CCDC178: variants seen among roughly 807,000 people sequenced by gnomAD.
The protein encoded by CCDC178 is coiled-coil domain containing 178, also known as coiled-coil domain-containing protein 178.
Under a neutral mutation model 117.4 loss-of-function variants are expected in CCDC178, and 126 were observed. The observed-to-expected ratio is 1.07, with a 90% CI of 0.93 to 1.24. The LOEUF (loss-of-function observed/expected upper bound fraction) is 1.24, where lower values mean the gene tolerates loss of function less well. Ranked by LOEUF, CCDC178 falls within the 50% of genes most tolerant of loss-of-function variation. The pLI is 0.00. For missense variants in CCDC178, 1,030 were observed against 986.9 expected, an observed-to-expected ratio of 1.04 and a Z score of -0.59; for synonymous variants, 283 against 313.4, an observed-to-expected ratio of 0.90 and a Z score of 1.02.
chr18:33,164,891 T>C (rs1478062741), intron 20 of CCDC178, among the ~76,000 whole-genome samples: 1 of 152,208 alleles, frequency 6.6e-6, no homozygotes, highest in African/African-American at 2.4e-5. Context: ...GTCATATCAA[T>C]AAACCTTTTA....
chr18:33,111,427 G>A (rs973292399), intron 20 of CCDC178, among the ~76,000 whole-genome samples: 16 of 151,424 alleles, frequency 1.1e-4, no homozygotes, highest in East Asian at 5.8e-4. Context: ...TTTAAATATC[G>A]CTAAGGCTTT....
At chr18:32,968,043 T>G (rs2054851853) in intron 22 of CCDC178, among the ~76,000 whole-genome samples, 1 of 151,846 alleles carries the variant, frequency 6.6e-6, no homozygotes, top group Admixed American at 6.6e-5. Flanking sequence ...GAAATGTACA[T>G]TATTGTTAAC....
In CCDC178 at chr18:33,389,604, A is replaced by G. The variant is rs376661425; in HGVS notation, c.144T>C (p.Val48=). Residue 48 remains valine, a synonymous_variant, in exon 5 of 23, where the codon GTT becomes GTC. Transcript: ENST00000383096. ...TGTTCTCCTTAGAGGCTCCATATAG[A>G]ACCAAACTTTGAGACATGGCATTGC... ...NEGNAMSQSL[V]LYGASKENSE... is the part of the protein sequence containing the mutation. 9.9e-6 allele frequency: 15 copies of G among 1,515,406 alleles called. No individual in the cohort carries two copies. In the Admixed American group the frequency reaches 1.1e-4, roughly 11 times the overall value. 93.9% of individuals were successfully genotyped at this position (1,515,406 alleles called of 1,614,324 possible).
chr18:33,247,501 CAAAG>C (rs1381470314), intron 14 of CCDC178, among the ~76,000 whole-genome samples: 1 of 151,632 alleles, frequency 6.6e-6, no homozygotes, highest in Non-Finnish European at 1.5e-5. Context: ...TGAGAAGAGA[CAAAG>C]AGAGTTTTGG....
intron 22 of CCDC178, among the ~76,000 whole-genome samples, chr18:32,973,640 G>A (rs1208419557): frequency 6.6e-6 from 1 of 151,836 alleles, no homozygotes; most frequent in African/African-American, 2.4e-5. Context: ...ATTTGAAATC[G>A]CTTCATAGCT....
chr18:33,127,500 A>G (rs2058022330), intron 20 of CCDC178, among the ~76,000 whole-genome samples: 1 of 152,066 alleles, frequency 6.6e-6, no homozygotes, highest in Non-Finnish European at 1.5e-5. Flanking sequence ...CAGCAGTGCA[A>G]TCTTGGCTCA....
chr18:32,974,762 G>A, intron 21 of CCDC178, 81 bp from the exon 22 acceptor site: 1 of 1,396,356 alleles, frequency 7.2e-7, no homozygotes, highest in Admixed American at 1.9e-5. Flanking sequence ...GAATGATGGA[G>A]GGAAATATAG....
intron 20 of CCDC178, among the ~76,000 whole-genome samples, chr18:33,109,187 T>C (rs2057747422): frequency 1.3e-5 from 2 of 151,706 alleles, no homozygotes; most frequent in African/African-American, 4.8e-5. Flanking sequence ...TAATATTGTA[T>C]TCTTTCAAGA....
intron 21 of CCDC178, among the ~76,000 whole-genome samples, chr18:32,979,983 C>T (rs559320971): frequency 3.2e-4 from 48 of 152,074 alleles, no homozygotes; most frequent in African/African-American, 1.1e-3. Context: ...AATTGGCTAG[C>T]TCCATGCAAA....
At chr18:33,249,629 C>G (rs1457550922) in intron 14 of CCDC178, among the ~76,000 whole-genome samples, 1 of 151,928 alleles carries the variant, frequency 6.6e-6, no homozygotes, top group Non-Finnish European at 1.5e-5. Context: ...TCAGCTCTAT[C>G]TCTGTTTTGG....
intron 15 of CCDC178, among the ~76,000 whole-genome samples, chr18:33,227,579 T>TATACAC (rs1555666698): frequency 1.2e-4 from 8 of 67,626 alleles, no homozygotes; most frequent in Admixed American, 1.1e-3. Flanking sequence ...TATATATATA[T>TATACAC]ACACACACAC....
At chr18:33,063,139 C>T (rs2056954542) in intron 21 of CCDC178, among the ~76,000 whole-genome samples, 1 of 152,172 alleles carries the variant, frequency 6.6e-6, no homozygotes, top group South Asian at 2.1e-4. Context: ...TGAGGACAGG[C>T]CTGCTCCACT....
At chr18:33,039,402 G>A (rs570067773) in intron 21 of CCDC178, among the ~76,000 whole-genome samples, 2 of 151,926 alleles carry the variant, frequency 1.3e-5, no homozygotes, top group Non-Finnish European at 2.9e-5. Context: ...TAGAAAGACT[G>A]AAAATCACAA....
intron 21 of CCDC178, among the ~76,000 whole-genome samples, chr18:32,977,170 T>C (rs2055045470): frequency 6.6e-6 from 1 of 152,106 alleles, no homozygotes; most frequent in Non-Finnish European, 1.5e-5. Context: ...AGCTGAGAAA[T>C]CTATATTTTA....
chr18:33,265,443 G>A (rs1172889422), intron 14 of CCDC178, among the ~76,000 whole-genome samples: 1 of 152,018 alleles, frequency 6.6e-6, no homozygotes, highest in Non-Finnish European at 1.5e-5. Context: ...TATGACAGAG[G>A]AATTGAATTT....
intron 11 of CCDC178, among the ~76,000 whole-genome samples, chr18:33,312,279 T>A (rs2062353689): frequency 6.6e-6 from 1 of 152,094 alleles, no homozygotes; most frequent in Non-Finnish European, 1.5e-5. Context: ...CCCTTTGCTT[T>A]CAAATATCAG....
In CCDC178 at chr18:33,131,793, T is replaced by C. The variant is rs150241121; in HGVS notation, c.2239-38883A>G. Among the ~76,000 whole-genome samples, 911 of 151,812 alleles carry C rather than the reference T, an allele frequency of 6.0e-3. 29 individuals are homozygous for C. The East Asian group carries it at 0.072, about 12-fold the overall frequency. ...TAATATAACATGAAACCACATTAGA[T>C]TATATGACCTAGCCATGACAACCAC... On this transcript the variant is annotated intron_variant, in intron 20 of 22. Coordinates refer to ENST00000383096, the MANE Select transcript of CCDC178 (RefSeq NM_001105528.4).
intron 12 of CCDC178, among the ~76,000 whole-genome samples, chr18:33,278,162 C>T (rs1244008021): frequency 1.3e-5 from 2 of 151,424 alleles, no homozygotes; most frequent in East Asian, 3.9e-4. Context: ...GGTGAAATGT[C>T]TTCTTTTTTT....
chr18:33,041,567 T>C (rs2056550223), intron 21 of CCDC178, among the ~76,000 whole-genome samples: 1 of 151,334 alleles, frequency 6.6e-6, no homozygotes, highest in Non-Finnish European at 1.5e-5. Flanking sequence ...TTGATAAGTC[T>C]AAGAAGAAAA....
Sources: gnomAD v4.1 joint callset for allele counts (sites outside exome capture counted in the v4.1 genomes callset) on GRCh38, gnomAD v4.1.1 for gene constraint, MANE v1.5 for transcripts, NCBI Gene and HGNC (gene_info 2026-07-23, HGNC 2026-07-21) for gene names.